GALNT7: variants seen among roughly 807,000 people sequenced by gnomAD.
GALNT7 encodes N-acetylgalactosaminyltransferase 7.
GALNT7 carries 60 observed loss-of-function variants against 82.1 expected under a neutral mutation model. The observed-to-expected ratio is 0.73, with a 90% CI of 0.59 to 0.91. The LOEUF is 0.91. Ranked by LOEUF, GALNT7 falls within the 40% of genes least tolerant of loss-of-function variation. The pLI is 0.00. For synonymous variants in GALNT7, 243 were observed against 275.1 expected, an observed-to-expected ratio of 0.88 and a Z score of 1.15; for missense variants, 660 against 804.2, an observed-to-expected ratio of 0.82 and a Z score of 2.17.
chr4:173,288,170 C>A (rs1579992545), intron 2 of GALNT7, among the ~76,000 whole-genome samples: 1 of 149,694 alleles, frequency 6.7e-6, no homozygotes, highest in Admixed American at 6.7e-5. Flanking sequence ...GTAGTCCCAG[C>A]TACTCGGGAG....
intron 3 of GALNT7, among the ~76,000 whole-genome samples, chr4:173,294,994 T>A (rs937999253): frequency 1.3e-5 from 2 of 152,146 alleles, no homozygotes; most frequent in Non-Finnish European, 2.9e-5. Flanking sequence ...TCCAGTGCAA[T>A]TGTATAGTAT....
chr4:173,318,632 A>G (rs1306803159), intron 11 of GALNT7, 73 bp downstream of exon 11: 1 of 974,698 alleles, frequency 1.0e-6, no homozygotes, highest in Non-Finnish European at 1.6e-6. Context: ...TGGAATTTAG[A>G]TAAATAAATC....
intron 8 of GALNT7, 141 bp from the exon 9 acceptor site, chr4:173,313,817 T>G: frequency 2.7e-6 from 1 of 375,616 alleles, no homozygotes; most frequent in Non-Finnish European, 4.6e-6. Context: ...TTAACTTGCA[T>G]TTGTTGTTTA....
At chr4:173,298,064 G>C in intron 5 of GALNT7, 51 bp from the exon 6 acceptor site, 1 of 1,585,730 alleles carries the variant, frequency 6.3e-7, no homozygotes, top group Non-Finnish European at 8.6e-7. Flanking sequence ...TAAATGTGTG[G>C]GTCCATACAT....
At chr4:173,197,702 A>T (rs116003703) in intron 1 of GALNT7, among the ~76,000 whole-genome samples, 54 of 152,328 alleles carry the variant, frequency 3.5e-4, no homozygotes, top group African/African-American at 1.1e-3. Context: ...GAGCAGCCAC[A>T]TCTCACTCAG....
chr4:173,233,177 G>A (rs1470893608), intron 1 of GALNT7, among the ~76,000 whole-genome samples: 2 of 152,164 alleles, frequency 1.3e-5, no homozygotes, highest in African/African-American at 2.4e-5. Flanking sequence ...TGGCTATTGT[G>A]AATAGTGCTT....
chr4:173,190,288 A>T (rs1441576874), intron 1 of GALNT7, among the ~76,000 whole-genome samples: 2 of 152,210 alleles, frequency 1.3e-5, no homozygotes, highest in Non-Finnish European at 2.9e-5. Flanking sequence ...TTGCTTCTTC[A>T]CCTGTACGTG....
At chr4:173,318,776 AT>A (rs200907735) in intron 11 of GALNT7, 5,417 of 390,524 alleles carry the variant, frequency 0.014, 75 homozygotes, top group South Asian at 0.033. Flanking sequence ...TTGTCATGTA[AT>A]GAGGCCACGA....
At chr4:173,175,168 A>G (rs553936298) in intron 1 of GALNT7, among the ~76,000 whole-genome samples, 2 of 152,356 alleles carry the variant, frequency 1.3e-5, no homozygotes, top group Admixed American at 6.5e-5. Flanking sequence ...CATATTTTGA[A>G]TTTCGATTCT....
intron 5 of GALNT7, chr4:173,297,892 G>T: frequency 1.3e-6 from 2 of 1,506,880 alleles, no homozygotes; most frequent in South Asian, 1.3e-5. Flanking sequence ...TGCCAGAGGG[G>T]CCTGGGACTG....
chr4:173,297,694 A>G, intron 5 of GALNT7: 2 of 519,736 alleles, frequency 3.8e-6, no homozygotes, highest in Non-Finnish European at 6.4e-6. Context: ...AAAGTCCCCT[A>G]GTGCACAAAC....
chr4:173,288,171 T>A (rs990939373), intron 2 of GALNT7, among the ~76,000 whole-genome samples: 1 of 148,666 alleles, frequency 6.7e-6, no homozygotes, highest in South Asian at 2.1e-4. Context: ...TAGTCCCAGC[T>A]ACTCGGGAGG....
At chr4:173,265,781 C>A (rs1735465556) in intron 2 of GALNT7, among the ~76,000 whole-genome samples, 1 of 150,856 alleles carries the variant, frequency 6.6e-6, no homozygotes, top group Non-Finnish European at 1.5e-5. Flanking sequence ...TTTTTCATTT[C>A]TTTTTTCTGA....
chr4:173,290,529 A>G (rs1736494390), intron 2 of GALNT7, among the ~76,000 whole-genome samples: 1 of 152,170 alleles, frequency 6.6e-6, no homozygotes. Flanking sequence ...CCTCCTCAGA[A>G]AAGGGAAGTA....
intron 1 of GALNT7, among the ~76,000 whole-genome samples, chr4:173,186,268 T>G (rs917547420): frequency 2.0e-5 from 3 of 152,236 alleles, no homozygotes; most frequent in Non-Finnish European, 4.4e-5. Context: ...AAGGACAAGG[T>G]GGCAGCTGGC....
intron 1 of GALNT7, among the ~76,000 whole-genome samples, chr4:173,197,430 T>C (rs1732812471): frequency 1.3e-5 from 2 of 152,176 alleles, no homozygotes; most frequent in Admixed American, 1.3e-4. Context: ...AGTAATTTAC[T>C]TGTTAATCAA....
chr4:173,212,741 A>G (rs1235599348), intron 1 of GALNT7, among the ~76,000 whole-genome samples: 5 of 151,650 alleles, frequency 3.3e-5, no homozygotes, highest in South Asian at 2.1e-4. Flanking sequence ...ACACATGTCT[A>G]TTGGACATAT....
At chr4:173,199,139 T>G (rs1034504442) in intron 1 of GALNT7, among the ~76,000 whole-genome samples, 5 of 152,242 alleles carry the variant, frequency 3.3e-5, no homozygotes, top group African/African-American at 4.8e-5. Context: ...TCGAGCATTA[T>G]GTGCTAGATA....
chr4:173,251,760 G>A (rs1479688892), intron 2 of GALNT7, among the ~76,000 whole-genome samples: 1 of 152,094 alleles, frequency 6.6e-6, no homozygotes. Context: ...GCATGTTTTT[G>A]TGTATTATTT....
Sources: gnomAD v4.1 joint callset for allele counts (sites outside exome capture counted in the v4.1 genomes callset) on GRCh38, gnomAD v4.1.1 for gene constraint, MANE v1.5 for transcripts, NCBI Gene and HGNC (gene_info 2026-07-23, HGNC 2026-07-21) for gene names.